The following ADIPOR2 variants were observed in gnomAD, a reference collection of about 807,000 sequenced individuals.
The protein encoded by ADIPOR2 is adiponectin receptor 2.
Under a neutral mutation model 40.9 loss-of-function variants are expected in ADIPOR2, and 18 were observed. That is an observed-to-expected ratio of 0.44 (90% CI 0.30 to 0.65). The LOEUF (loss-of-function observed/expected upper bound fraction) is 0.65. Among genes scored for constraint, ADIPOR2 ranks in the 30% least tolerant of loss-of-function variants. The pLI is 0.09. For synonymous variants in ADIPOR2, 165 were observed against 166.4 expected (o/e 0.99, Z 0.06); for missense variants, 283 against 479.2 (o/e 0.59, Z 3.82).
chr12:1,767,269 C>CAAAAAAAAAAAAAAAAAAAAA (rs61401998), intron 2 of ADIPOR2, among the ~76,000 whole-genome samples: 1 of 87,470 alleles, frequency 1.1e-5, no homozygotes, highest in African/African-American at 4.2e-5. Context: ...AAGACTTCGT[C>CAAAAAAAAAAAAAAAAAAAAA]AAAAAAAAAA....
At chr12:1,767,164 G>A (rs892804971) in intron 2 of ADIPOR2, among the ~76,000 whole-genome samples, 1 of 151,348 alleles carries the variant, frequency 6.6e-6, no homozygotes, top group Non-Finnish European at 1.5e-5. Flanking sequence ...CCAGCTACTC[G>A]GGAGGCTGAG....
At chr12:1,766,788 C>A (rs1176291548) in intron 2 of ADIPOR2, among the ~76,000 whole-genome samples, 2 of 152,152 alleles carry the variant, frequency 1.3e-5, no homozygotes, top group African/African-American at 4.8e-5. Flanking sequence ...GCTCCAGATT[C>A]TTCTTTATAA....
chr12:1,773,651 A>AT (rs1018806045), intron 3 of ADIPOR2, among the ~76,000 whole-genome samples: 3 of 151,986 alleles, frequency 2.0e-5, no homozygotes, highest in African/African-American at 7.3e-5. Context: ...AATCTAATTA[A>AT]TGTAAGTCGA....
At chr12:1,745,923 C>T (rs149411618) in intron 1 of ADIPOR2, among the ~76,000 whole-genome samples, 4 of 150,574 alleles carry the variant, frequency 2.7e-5, no homozygotes, top group East Asian at 1.9e-4. Flanking sequence ...ATATGTTACA[C>T]GAACTTTTTG....
chr12:1,736,480 T>G (rs1022176333), intron 1 of ADIPOR2, among the ~76,000 whole-genome samples: 9 of 152,226 alleles, frequency 5.9e-5, no homozygotes, highest in African/African-American at 2.2e-4. Flanking sequence ...TTTTTTATTG[T>G]GTCTATTTGA....
At chr12:1,757,305 C>T (rs758524658) in intron 2 of ADIPOR2, 2 of 659,702 alleles carry the variant, frequency 3.0e-6, no homozygotes, top group Non-Finnish European at 5.5e-6. Context: ...CCCTTTTCCT[C>T]AGGGAAGAGA....
intron 1 of ADIPOR2, among the ~76,000 whole-genome samples, chr12:1,738,475 GAAA>G (rs889418387): frequency 5.9e-5 from 9 of 152,126 alleles, no homozygotes; most frequent in African/African-American, 2.2e-4. Flanking sequence ...TCATTTTAGA[GAAA>G]AACATTCATT....
intron 1 of ADIPOR2, among the ~76,000 whole-genome samples, chr12:1,749,456 G>A (rs2094764178): frequency 6.6e-6 from 1 of 152,188 alleles, no homozygotes; most frequent in Non-Finnish European, 1.5e-5. Flanking sequence ...AAAGGCTATG[G>A]GAGTTAAGGC....
At chr12:1,769,765 C>A (rs561781388) in intron 2 of ADIPOR2, among the ~76,000 whole-genome samples, 1 of 152,240 alleles carries the variant, frequency 6.6e-6, no homozygotes, top group East Asian at 1.9e-4. Context: ...TGGTCTCGAC[C>A]TCCTGACCTC....
intron 2 of ADIPOR2, among the ~76,000 whole-genome samples, chr12:1,760,134 G>A (rs897213119): frequency 2.0e-5 from 3 of 151,760 alleles, no homozygotes; most frequent in African/African-American, 7.3e-5. Flanking sequence ...AATTTTTTTT[G>A]ATATTTATTT....
At chr12:1,694,616 G>GAC (rs2094634170) in intron 1 of ADIPOR2, among the ~76,000 whole-genome samples, 1 of 152,188 alleles carries the variant, frequency 6.6e-6, no homozygotes. Context: ...TGAATCCACA[G>GAC]ACATAAGAGC....
intron 6 of ADIPOR2, among the ~76,000 whole-genome samples, chr12:1,782,868 T>C (rs1862745531): frequency 6.6e-6 from 1 of 152,088 alleles, no homozygotes; most frequent in African/African-American, 2.4e-5. Context: ...CCCCATTAGG[T>C]CATTTGTTAA....
intron 1 of ADIPOR2, among the ~76,000 whole-genome samples, chr12:1,737,883 C>G (rs1398387774): frequency 6.6e-6 from 1 of 152,122 alleles, no homozygotes; most frequent in East Asian, 1.9e-4. Flanking sequence ...ACTCCTGTTC[C>G]TTGCATATTC....
At chr12:1,782,976 C>CTTTTTTTTTTTTTTTTTTTTTTT (rs71055199) in intron 6 of ADIPOR2, among the ~76,000 whole-genome samples, 61 of 109,744 alleles carry the variant, frequency 5.6e-4, no homozygotes, top group Non-Finnish European at 8.2e-4. Flanking sequence ...TTCTTTCTTT[C>CTTTTTTTTTTTTTTTTTTTTTTT]TTTTTTTTTT....
intron 2 of ADIPOR2, among the ~76,000 whole-genome samples, chr12:1,772,178 A>G (rs1164590242): frequency 6.6e-6 from 1 of 152,196 alleles, no homozygotes; most frequent in Non-Finnish European, 1.5e-5. Context: ...CCATTTCTCT[A>G]GACAAATCAG....
In ADIPOR2 at chr12:1,780,955, C is replaced by G; in HGVS notation, c.717C>G (p.Phe239Leu). 1 of 1,613,174 alleles carries G rather than the reference C, an allele frequency of 6.2e-7. No individual in the cohort carries two copies. ...TTGTTCCTTGGCTTTATTATTCTTT[C>G]TACTGTAATCCACAACCTTGCTTCA... ...GSFVPWLYYS[F>L]YCNPQPCFIY... Residue 239 changes from phenylalanine to leucine, a missense_variant, in exon 6 of 8, where the codon TTC (phenylalanine) becomes TTG (leucine). Physicochemically the swap from Phe to Leu is conservative, Grantham distance 22 (BLOSUM62 0). This residue lies in a region of ADIPOR2 where 112 missense variants were observed against 249.5 expected (regional missense o/e 0.45). Transcript: ENST00000357103.
At chr12:1,772,504 G>C (rs1191325889) in intron 2 of ADIPOR2, among the ~76,000 whole-genome samples, 1 of 152,064 alleles carries the variant, frequency 6.6e-6, no homozygotes, top group Non-Finnish European at 1.5e-5. Context: ...GAGTCTTGGA[G>C]GTTTTCCCCT....
chr12:1,735,314 C>T (rs552316703), intron 1 of ADIPOR2, among the ~76,000 whole-genome samples: 1 of 152,202 alleles, frequency 6.6e-6, no homozygotes, highest in South Asian at 2.1e-4. Context: ...CCTTCACGTC[C>T]CTTGTAAGTT....
chr12:1,706,835 A>C (rs1368693099), intron 1 of ADIPOR2, among the ~76,000 whole-genome samples: 1 of 152,102 alleles, frequency 6.6e-6, no homozygotes, highest in African/African-American at 2.4e-5. Flanking sequence ...TTAGAATTTC[A>C]TGTAAGTGGG....
Sources: allele counts gnomAD v4.1 joint callset (sites outside exome capture counted in the v4.1 genomes callset), GRCh38; gene constraint gnomAD v4.1.1; regional missense constraint gnomAD v4.1.1; transcripts MANE v1.5; gene names NCBI Gene and HGNC (gene_info 2026-07-23, HGNC 2026-07-21).